OSBPL10: variants seen among roughly 807,000 people sequenced by gnomAD.
OSBPL10 encodes the protein oxysterol binding protein like 10.
Under a neutral mutation model 81.7 loss-of-function variants are expected in OSBPL10, and 49 were observed. That is an observed-to-expected ratio of 0.60 (90% CI 0.48 to 0.76). OSBPL10 has a LOEUF of 0.76. Ranked by LOEUF, OSBPL10 falls within the 30% of genes least tolerant of loss-of-function variation. The probability of loss-of-function intolerance (pLI) is 0.00; values close to 1 mark genes in which losing one functional copy is unlikely to be tolerated. For synonymous variants in OSBPL10, 419 were observed against 383.6 expected, an observed-to-expected ratio of 1.09 and a Z score of -1.08; for missense variants, 923 against 987.8, an observed-to-expected ratio of 0.93 and a Z score of 0.88.
chr3:31,897,616 G>A lies in OSBPL10; in HGVS notation c.282-17786C>T, dbSNP rs527387907. On this transcript the variant is annotated intron_variant, in intron 1 of 11. Transcript: ENST00000396556. The stretch of plus-strand genomic sequence containing the variant: ...ATAGTAAAATTTAAAATCAAAGAAA[G>A]AAAAATCTAAAAGCTACCAGAGAAA... Among the ~76,000 whole-genome samples, 40 of 152,172 alleles carry A rather than the reference G, an allele frequency of 2.6e-4. No individual in the cohort carries two copies. In the East Asian group the frequency reaches 7.3e-3, roughly 28 times the overall value.
intron 1 of OSBPL10, among the ~76,000 whole-genome samples, chr3:31,914,934 G>A (rs1228192478): frequency 3.3e-5 from 5 of 152,038 alleles, no homozygotes; most frequent in Non-Finnish European, 7.4e-5. Context: ...TGTGTTTACG[G>A]GGATGTGTCT....
At chr3:31,930,184 AAC>A (rs916136030) in intron 1 of OSBPL10, among the ~76,000 whole-genome samples, 44 of 152,008 alleles carry the variant, frequency 2.9e-4, no homozygotes, top group Non-Finnish European at 5.3e-4. Context: ...TTAATTAAAA[AAC>A]AGTTCACAGA....
At chr3:32,008,523 G>A (rs1296458190) in intron 2 of OSBPL10, among the ~76,000 whole-genome samples, 1 of 150,842 alleles carries the variant, frequency 6.6e-6, no homozygotes, top group Non-Finnish European at 1.5e-5. Context: ...TTGAGCCCAG[G>A]AGTTCAAGAC....
intron 4 of OSBPL10, among the ~76,000 whole-genome samples, chr3:31,818,093 G>A (rs1699890488): frequency 3.9e-5 from 6 of 152,074 alleles, no homozygotes; most frequent in Admixed American, 3.9e-4. Flanking sequence ...GTGACACAGG[G>A]AGACCTTGCC....
At chr3:31,789,630 T>A (rs1698961748) in intron 4 of OSBPL10, among the ~76,000 whole-genome samples, 1 of 152,042 alleles carries the variant, frequency 6.6e-6, no homozygotes, top group African/African-American at 2.4e-5. Flanking sequence ...AAAGATACCG[T>A]GAGGGCAAGA....
At chr3:31,785,259 A>G (rs1333723205) in intron 4 of OSBPL10, among the ~76,000 whole-genome samples, 3 of 152,236 alleles carry the variant, frequency 2.0e-5, no homozygotes, top group Non-Finnish European at 4.4e-5. Context: ...AAAACTGTAT[A>G]TATGACCTCA....
intron 1 of OSBPL10, among the ~76,000 whole-genome samples, chr3:31,887,706 A>T (rs543201291): frequency 6.6e-6 from 1 of 152,354 alleles, no homozygotes; most frequent in African/African-American, 2.4e-5. Context: ...CATGATAACC[A>T]AACTTCCTGG....
chr3:31,706,246 G>A (rs1369000848), intron 6 of OSBPL10, among the ~76,000 whole-genome samples: 3 of 152,170 alleles, frequency 2.0e-5, no homozygotes, highest in Non-Finnish European at 4.4e-5. Flanking sequence ...AGTGACCTGT[G>A]CCCGGAGCAA....
chr3:31,707,187 GACAGGGAGC>G, intron 6 of OSBPL10: 1 of 152,224 alleles, frequency 6.6e-6, no homozygotes, highest in East Asian at 1.9e-4. Context: ...TTTGCCTTTG[GACAGGGAGC>G]TTTTCTGTGC....
chr3:31,819,486 G>A (rs973507750), intron 4 of OSBPL10, among the ~76,000 whole-genome samples: 6 of 152,222 alleles, frequency 3.9e-5, no homozygotes, highest in African/African-American at 1.4e-4. Context: ...GTGTTCTGGT[G>A]ACTCATCCAA....
intron 7 of OSBPL10, among the ~76,000 whole-genome samples, chr3:31,700,902 G>A (rs62236742): frequency 0.08 from 12,219 of 152,250 alleles, 613 homozygotes; most frequent in Non-Finnish European, 0.11. Context: ...GTCATAGCTT[G>A]GTGTGCAAAA....
At chr3:31,867,649 A>G (rs997404173) in intron 3 of OSBPL10, among the ~76,000 whole-genome samples, 1 of 152,096 alleles carries the variant, frequency 6.6e-6, no homozygotes, top group African/African-American at 2.4e-5. Context: ...AGGCTGAGGC[A>G]AGAGAATTGC....
chr3:31,748,509 T>C (rs1697606971), intron 4 of OSBPL10, among the ~76,000 whole-genome samples: 1 of 152,140 alleles, frequency 6.6e-6, no homozygotes, highest in Non-Finnish European at 1.5e-5. Flanking sequence ...CCCTCCTTGC[T>C]TTTCCTCCAG....
At chr3:31,807,247 T>C (rs1275883474) in intron 4 of OSBPL10, among the ~76,000 whole-genome samples, 6 of 151,958 alleles carry the variant, frequency 3.9e-5, no homozygotes, top group African/African-American at 1.2e-4. Flanking sequence ...AGGCGTCGTG[T>C]TGCACACCTG....
At chr3:31,999,762 T>C (rs1448401844) in intron 2 of OSBPL10, among the ~76,000 whole-genome samples, 2 of 152,182 alleles carry the variant, frequency 1.3e-5, no homozygotes, top group African/African-American at 4.8e-5. Flanking sequence ...GATCACCTTT[T>C]CCAAGGCATG....
At chr3:31,800,338 C>A (rs546949274) in intron 4 of OSBPL10, among the ~76,000 whole-genome samples, 4 of 152,292 alleles carry the variant, frequency 2.6e-5, no homozygotes, top group African/African-American at 9.6e-5. Flanking sequence ...TGTGATCACA[C>A]CCAAACAGAA....
upstream of OSBPL10, among the ~76,000 whole-genome samples, chr3:31,984,367 T>C (rs1559542590): frequency 6.7e-6 from 1 of 149,734 alleles, no homozygotes; most frequent in Non-Finnish European, 1.5e-5. Flanking sequence ...TTTTTAAGGA[T>C]AGTTTGGTGG....
chr3:31,857,618 A>T (rs1287368269), intron 3 of OSBPL10, among the ~76,000 whole-genome samples: 1 of 150,938 alleles, frequency 6.6e-6, no homozygotes, highest in Non-Finnish European at 1.5e-5. Context: ...CTACATTTTT[A>T]ATATACAACT....
At chr3:31,823,244 T>C (rs921570916) in intron 4 of OSBPL10, among the ~76,000 whole-genome samples, 4 of 152,208 alleles carry the variant, frequency 2.6e-5, no homozygotes, top group Non-Finnish European at 1.5e-5. Flanking sequence ...AATACCTCCA[T>C]ATGCCATTTT....
Sources: gnomAD v4.1 joint callset for allele counts (sites outside exome capture counted in the v4.1 genomes callset) on GRCh38, gnomAD v4.1.1 for gene constraint, MANE v1.5 for transcripts, NCBI Gene and HGNC (gene_info 2026-07-23, HGNC 2026-07-21) for gene names.